The following ZFC3H1 variants were observed in gnomAD, a reference collection of about 807,000 sequenced individuals.
The protein encoded by ZFC3H1 is zinc finger C3H1-type containing.
Under a neutral mutation model 243.7 loss-of-function variants are expected in ZFC3H1, and 71 were observed. The observed-to-expected ratio is 0.29, with a 90% CI of 0.24 to 0.36. ZFC3H1 has a LOEUF of 0.36. Ranked by LOEUF, ZFC3H1 falls within the 10% of genes least tolerant of loss-of-function variation. The pLI is 1.00. For synonymous variants in ZFC3H1, 838 were observed against 813.0 expected (o/e 1.03, Z -0.52); for missense variants, 1,966 against 2,317.1 (o/e 0.85, Z 3.11).
Position 71,663,724 on chromosome 12 carries a change from C to G in ZFC3H1, c.-114G>C. 2.3e-6 allele frequency: 3 copies of G among 1,294,676 alleles called. No individual in the cohort carries two copies. Among genetic ancestry groups the G allele is most frequent in the Non-Finnish European group, 3.2e-6 (3 of 942,758 alleles). 80.2% of individuals were successfully genotyped at this position (1,294,676 alleles called of 1,614,324 possible). ...TGGGTCGGTGCGGTCTTACCCTACT[C>G]GGACACCAAGCGGCCTCTGCTCCCC... On this transcript the variant is annotated 5_prime_UTR_variant, in exon 1 of 35. Coordinates refer to ENST00000378743, the MANE Select transcript of ZFC3H1 (RefSeq NM_144982.5).
In ZFC3H1 at chr12:71,632,207, T is replaced by G. The variant is rs763509673; in HGVS notation, c.3125A>C (p.Glu1042Ala). 1.2e-6 allele frequency: 2 copies of G among 1,609,080 alleles called. No homozygotes were observed. The highest frequency in any genetic ancestry group is 4.5e-5 in the East Asian group (2 of 44,836). ...GGATTCTAAAAAAGATCTTCTTCGC[T>G]CTCTGCTTGAACCAGACAAAATTTC... ...DDEILSGSSR[E>A]RRRSFLESNY... Residue 1042 changes from glutamate (E) to alanine (A), a missense_variant, in exon 15 of 35, where the codon GAG (glutamate) becomes GCG (alanine). Transcript: ENST00000378743.
chr12:71,658,563 A>G (rs1290567709), intron 1 of ZFC3H1, among the ~76,000 whole-genome samples: 1 of 152,058 alleles, frequency 6.6e-6, no homozygotes, highest in Non-Finnish European at 1.5e-5. Context: ...TGCCGGGATT[A>G]CAGGTGTGAG....
chr12:71,662,868 A>G, intron 1 of ZFC3H1, 145 bp downstream of exon 1: 1 of 842,066 alleles, frequency 1.2e-6, no homozygotes, highest in South Asian at 1.7e-5. Flanking sequence ...ATGGGGAATT[A>G]CCAAAGAACA....
rs1879969984 is a variant in ZFC3H1, at chr12:71,619,406, G to A, written c.5053C>T (p.Arg1685Ter). 1 of 1,612,482 alleles carries A rather than the reference G, an allele frequency of 6.2e-7. No homozygotes were observed. Among genetic ancestry groups the A allele is most frequent in the Non-Finnish European group, 8.5e-7 (1 of 1,179,196 alleles). The change falls in exon 27 of 35, where the codon CGA becomes TGA. Residue 1685 changes from arginine (R) to a stop codon, truncating the protein, a stop_gained. Transcript: ENST00000378743. LOFTEE classifies it high-confidence loss of function. The stretch of plus-strand genomic sequence containing the variant: ...AAAAATGGAAGAAGATTATCGCCTC[G>A]ATTCTATTTTAAAAAGAGGGAGGGG... ...HMCKFFILQN[R>*]GDNLLPFLRK...
chr12:71,613,291 A>G lies in ZFC3H1; in HGVS notation c.5627+44T>C, dbSNP rs192843722. ...AAGAATAATCTTATATAAAGAGCCT[A>G]TTCCATTAGGCAGAGGACCAAAAGA... On this transcript the variant is annotated intron_variant, in intron 31 of 34. Coordinates refer to ENST00000378743, the MANE Select transcript of ZFC3H1 (RefSeq NM_144982.5). 8 of 1,416,296 alleles carry G rather than the reference A, an allele frequency of 5.6e-6. No homozygotes were observed. In the Admixed American group the frequency reaches 1.6e-4, roughly 28 times the overall value. 87.7% of individuals were successfully genotyped at this position (1,416,296 alleles called of 1,614,324 possible).
chr12:71,657,260 A>G lies in ZFC3H1; in HGVS notation c.640T>C (p.Ser214Pro), dbSNP rs1881044798. 1 of 1,583,266 alleles carries G rather than the reference A, an allele frequency of 6.3e-7. No homozygotes were observed. The highest frequency in any genetic ancestry group is 8.6e-7 in the Non-Finnish European group (1 of 1,168,408). The change falls in exon 2 of 35, where the codon TCA becomes CCA. Residue 214 changes from serine (S) to proline (P), a missense_variant. Ser to Pro is a moderately conservative substitution (Grantham distance 74). Transcript: ENST00000378743. ...TCCACACAGTTTTCATTTTTTGATG[A>G]ATAATTTTGTTTTCTTGATGGAGAC... ...GRSPSRKQNY[S>P]SKNENCVEET...
chr12:71,634,291 G>A lies in ZFC3H1; in HGVS notation c.2374C>T (p.Arg792Cys), dbSNP rs371029600. Reference sequence around the variant, plus strand: ...TTCAGCTGATCTGATTTAATCAAACGCTGTTTCTCACGGCTAAAATTATCA... The same window carrying A: ...TTCAGCTGATCTGATTTAATCAAACACTGTTTCTCACGGCTAAAATTATCA... ...KEEIANREKQ[R>C]LIKSDQLKTS... The change falls in exon 12 of 35, where the codon CGT (arginine) becomes TGT (cysteine). Residue 792 changes from arginine to cysteine, a missense_variant. Coordinates refer to ENST00000378743, the MANE Select transcript of ZFC3H1 (RefSeq NM_144982.5). 47 of 1,612,528 alleles carry A rather than the reference G, an allele frequency of 2.9e-5. No homozygotes were observed. Among genetic ancestry groups the A allele is most frequent in the African/African-American group, 4.0e-5 (3 of 74,802 alleles).
chr12:71,632,131 T>C lies in ZFC3H1; in HGVS notation c.3201A>G (p.Glu1067=). 1 of 1,609,766 alleles carries C rather than the reference T, an allele frequency of 6.2e-7. No homozygotes were observed. The highest frequency in any genetic ancestry group is 1.3e-5 in the African/African-American group (1 of 74,532). ...NLKHTDTANK[E]CINKLNKNTV... is the part of the protein sequence containing the mutation. ...TATTTTTATTAAGTTTGTTTATGCATTCTTTGTTAGCAGTATCAGTGTGCT... is the reference window on the plus strand; with the variant it reads ...TATTTTTATTAAGTTTGTTTATGCACTCTTTGTTAGCAGTATCAGTGTGCT... The change falls in exon 15 of 35, where the codon GAA becomes GAG. Residue 1067 remains glutamate (E), a synonymous_variant. Transcript: ENST00000378743.
intron 21 of ZFC3H1, among the ~76,000 whole-genome samples, chr12:71,627,442 A>G (rs1880197990): frequency 6.6e-6 from 1 of 152,160 alleles, no homozygotes; most frequent in South Asian, 2.1e-4. Flanking sequence ...TTTTTTTAAA[A>G]AACAATCAAC....
intron 27 of ZFC3H1, 152 bp from the exon 28 acceptor site, chr12:71,615,468 T>C: frequency 1.6e-6 from 1 of 613,740 alleles, no homozygotes; most frequent in South Asian, 2.0e-5. Flanking sequence ...ATACCATACC[T>C]CTTTGGTCAC....
intron 21 of ZFC3H1, among the ~76,000 whole-genome samples, chr12:71,627,529 T>C (rs1297405710): frequency 6.6e-6 from 1 of 152,178 alleles, no homozygotes; most frequent in East Asian, 1.9e-4. Context: ...AAAACTTTAG[T>C]ATAATTTATT....
chr12:71,632,434 T>C lies in ZFC3H1; in HGVS notation c.2898A>G (p.Lys966=), dbSNP rs1223525000. ...CATATTCTAGCTTTTGTAACCGTCT[T>C]TTCTCCATAGCAATTAGTTCTGCTG... ...KHSAELIAME[K]RRLQKLEYEY... Residue 966 remains lysine, a synonymous_variant, in exon 15 of 35, where the codon AAA becomes AAG. Transcript: ENST00000378743. 6.2e-7 allele frequency: 1 copy of C among 1,609,262 alleles called. No homozygotes were observed. The highest frequency in any genetic ancestry group is 2.2e-5 in the East Asian group (1 of 44,856).
intron 6 of ZFC3H1, among the ~76,000 whole-genome samples, chr12:71,641,043 T>C (rs1223774513): frequency 6.6e-6 from 1 of 152,088 alleles, no homozygotes; most frequent in Non-Finnish European, 1.5e-5. Flanking sequence ...TATATAAATA[T>C]CCGCAGTTAA....
intron 1 of ZFC3H1, among the ~76,000 whole-genome samples, chr12:71,658,280 AGATTT>A (rs1466172173): frequency 3.7e-5 from 5 of 135,764 alleles, no homozygotes; most frequent in Non-Finnish European, 7.7e-5. Flanking sequence ...CATCATTTAT[AGATTT>A]TTTTTTTTTT....
intron 24 of ZFC3H1, among the ~76,000 whole-genome samples, chr12:71,622,785 T>C (rs1880065081): frequency 6.6e-6 from 1 of 152,154 alleles, no homozygotes; most frequent in African/African-American, 2.4e-5. Context: ...TAGCATACAA[T>C]TTAGACTATA....
chr12:71,638,772 T>TGA (rs1880529537), intron 6 of ZFC3H1, among the ~76,000 whole-genome samples: 1 of 151,804 alleles, frequency 6.6e-6, no homozygotes, highest in African/African-American at 2.4e-5. Flanking sequence ...TTTAACCTAA[T>TGA]GATGAGAACA....
chr12:71,657,464 G>A (rs768740590), intron 1 of ZFC3H1, among the ~76,000 whole-genome samples, 163 bp from the exon 2 acceptor site: 3 of 152,066 alleles, frequency 2.0e-5, no homozygotes, highest in Non-Finnish European at 4.4e-5. Flanking sequence ...TGCAGCTAAT[G>A]CCCACTTTCA....
rs769577624 is a variant in ZFC3H1 at position 71,663,530 on chromosome 12, G to T, written c.81C>A (p.Ile27=). The T allele has an allele frequency of 6.2e-7, 1 of 1,613,590 alleles. No individual in the cohort carries two copies. ...TCTGGCTGTTATTATCGTCGTCACT[G>T]ATTTCCCCATCTTCAAGCTCCCCTT... ...KEEGELEDGE[I]SDDDNNSQIR... is the part of the protein sequence containing the mutation. The change falls in exon 1 of 35, where the codon ATC becomes ATA. Residue 27 remains isoleucine (I), a synonymous_variant. Coordinates refer to ENST00000378743, the MANE Select transcript of ZFC3H1 (RefSeq NM_144982.5).
At position 71,635,547 on chromosome 12, in the gene ZFC3H1, T is replaced by C; in HGVS notation, c.2134A>G (p.Asn712Asp). 6.4e-7 allele frequency: 1 copy of C among 1,560,654 alleles called. No individual in the cohort carries two copies. The highest frequency in any genetic ancestry group is 1.2e-5 in the South Asian group (1 of 80,818). The change falls in exon 10 of 35, where the codon AAT (asparagine) becomes GAT (aspartate). Residue 712 changes from asparagine (N) to aspartate (D), a missense_variant. Physicochemically the swap from Asn to Asp is conservative, Grantham distance 23. This residue lies in a region of ZFC3H1 where 1,383 missense variants were observed against 1,723.7 expected (regional missense o/e 0.80). Transcript: ENST00000378743. ...PKHKSVVVTL[N>D]DSDDSESDGE... ...TCAGATTCACTATCATCTGAATCAT[T>C]TAGTGTTACAACCACTGATTTATGC...
Sources: allele counts gnomAD v4.1 joint callset (sites outside exome capture counted in the v4.1 genomes callset), GRCh38; gene constraint gnomAD v4.1.1; regional missense constraint gnomAD v4.1.1; transcripts MANE v1.5; gene names NCBI Gene and HGNC (gene_info 2026-07-23, HGNC 2026-07-21).